Variants in WNK3 observed in about 807,000 individuals in gnomAD.
WNK3 encodes the protein WNK lysine deficient protein kinase 3, also known as serine/threonine-protein kinase WNK3.
WNK3 carries 18 observed loss-of-function variants against 116.7 expected under a neutral mutation model. The observed-to-expected ratio is 0.15, with a 90% CI of 0.11 to 0.23. The LOEUF (loss-of-function observed/expected upper bound fraction) is 0.23. WNK3 is among the 10% of genes least tolerant of loss of function. WNK3 has a pLI of 1.00. For missense variants in WNK3, 993 were observed against 1,323.8 expected (o/e 0.75, Z 3.88); for synonymous variants, 404 against 469.4 (o/e 0.86, Z 1.80).
At chrX:54,212,767 C>T (rs782697917) in intron 22 of WNK3, among the ~76,000 whole-genome samples, 5 of 111,198 alleles carry the variant, frequency 4.5e-5, no homozygotes, top group Non-Finnish European at 7.5e-5. Context: ...ATAGATAAGT[C>T]GATAAGGGCA....
intron 22 of WNK3, among the ~76,000 whole-genome samples, chrX:54,214,991 C>T (rs184084275): frequency 4.6e-5 from 5 of 107,992 alleles, no homozygotes; most frequent in African/African-American, 6.7e-5. Context: ...GTGGCGGGTG[C>T]CTATAGTCCC....
At chrX:54,226,507 G>C (rs1557147890) in intron 22 of WNK3, among the ~76,000 whole-genome samples, 2 of 85,396 alleles carry the variant, frequency 2.3e-5, no homozygotes, top group African/African-American at 8.4e-5. Context: ...AAAAAAAAAA[G>C]AACTAAATGT....
At chrX:54,208,406 G>T (rs1390081811) in intron 22 of WNK3, among the ~76,000 whole-genome samples, 1 of 110,984 alleles carries the variant, frequency 9.0e-6, no homozygotes, top group African/African-American at 3.3e-5. Context: ...TTACAGGTGT[G>T]AGCCACCGCG....
intron 10 of WNK3, among the ~76,000 whole-genome samples, chrX:54,263,394 C>T (rs1003966072): frequency 2.7e-5 from 3 of 111,975 alleles, no homozygotes; most frequent in Non-Finnish European, 5.6e-5. Context: ...TCACCTAATC[C>T]TAATAAGCCT....
chrX:54,237,951 G>T (rs1227533858), intron 19 of WNK3, among the ~76,000 whole-genome samples: 2 of 111,465 alleles, frequency 1.8e-5, no homozygotes, highest in African/African-American at 6.5e-5. Context: ...AGTATCATCG[G>T]CCAGGCATGG....
intron 5 of WNK3, among the ~76,000 whole-genome samples, chrX:54,304,978 A>AT (rs1335720741): frequency 1.8e-5 from 2 of 108,624 alleles, no homozygotes; most frequent in African/African-American, 6.8e-5. Flanking sequence ...CTTTATTAAA[A>AT]AAATATATAT....
At chrX:54,260,969 A>G (rs1404129711) in intron 10 of WNK3, among the ~76,000 whole-genome samples, 1 of 107,419 alleles carries the variant, frequency 9.3e-6, no homozygotes, top group African/African-American at 3.4e-5. Flanking sequence ...ACTTCAAGTG[A>G]TCCACCTGCC....
At chrX:54,333,223 T>A in exon 2 of WNK3, 1 of 1,208,420 alleles carries the variant, frequency 8.3e-7, no homozygotes, top group Non-Finnish European at 1.1e-6. Flanking sequence ...CCTAGTTCTA[T>A]GTCAAATTTC....
chrX:54,198,941 G>GT (rs1557141036), intron 23 of WNK3, among the ~76,000 whole-genome samples: 2 of 110,582 alleles, frequency 1.8e-5, no homozygotes, highest in African/African-American at 6.6e-5. Context: ...AAAGATATTT[G>GT]ACATGATGTT....
At chrX:54,213,468 C>T (rs1246898409) in intron 22 of WNK3, among the ~76,000 whole-genome samples, 3 of 102,570 alleles carry the variant, frequency 2.9e-5, no homozygotes, top group East Asian at 3.0e-4. Flanking sequence ...GCAGGAGAAT[C>T]GCTTGAAACC....
intron 2 of WNK3, among the ~76,000 whole-genome samples, chrX:54,330,139 C>T (rs782098505): frequency 6.3e-5 from 7 of 111,163 alleles, no homozygotes; most frequent in East Asian, 2.8e-4. Flanking sequence ...TTTGGGAGGC[C>T]GAGGCAGGCA....
rs1557165360 is a variant in WNK3 at position 54,292,875 on chromosome X, A to C, written c.2037+13T>G. ...TGTTTAAATGAATACAGAACCTCTAAAATGTGTCTTACCTTTATCTGTGGG... is the reference window on the plus strand; with the variant it reads ...TGTTTAAATGAATACAGAACCTCTACAATGTGTCTTACCTTTATCTGTGGG... On this transcript the variant is annotated intron_variant, in intron 10 of 23. Transcript: ENST00000354646. The C allele has an allele frequency of 8.3e-7, 1 of 1,203,850 alleles. No homozygotes were observed.
rs782020808 is a variant in WNK3, at chrX:54,205,761, T to TA, written c.4871-3569dup. 7.1e-4 allele frequency among the ~76,000 whole-genome samples: 80 copies of TA among 112,519 alleles called. 1 individual carries two copies. Among genetic ancestry groups the TA allele is most frequent in the Non-Finnish European group, 1.2e-3 (65 of 53,294 alleles). On this transcript the variant is annotated intron_variant, in intron 22 of 23. Transcript: ENST00000354646. ...CATTTAAAAGTTATTCATATCATAA[T>TA]ATAAAAGACCACTTAATTCAAAGCT...
At chrX:54,299,854 CTTGT>C (rs1338024330) in intron 6 of WNK3, among the ~76,000 whole-genome samples, 3 of 110,130 alleles carry the variant, frequency 2.7e-5, no homozygotes, top group Non-Finnish European at 5.7e-5. Context: ...TATTAGTTTG[CTTGT>C]TTGTTTGCTT....
intron 7 of WNK3, among the ~76,000 whole-genome samples, chrX:54,296,611 T>C (rs1024548265): frequency 9.0e-6 from 1 of 111,289 alleles, no homozygotes; most frequent in Non-Finnish European, 1.9e-5. Flanking sequence ...ATGTCCAAAA[T>C]AATCATTCCA....
rs782686925 is a variant in WNK3, at chrX:54,338,481, G to A, written c.-119-4689C>T. Among the ~76,000 whole-genome samples, 167 of 109,959 alleles carry A rather than the reference G, an allele frequency of 1.5e-3. 1 individual carries two copies. Among genetic ancestry groups the A allele is most frequent in the Non-Finnish European group, 2.3e-3 (123 of 52,756 alleles). On this transcript the variant is annotated intron_variant, in intron 1 of 23. Transcript: ENST00000354646. Reference sequence around the variant, plus strand: ...ATGCACCTGTAGTCTTAGCTACCGGGGAGGCTGAGGTGGGAGGATCACCTG... The same window carrying A: ...ATGCACCTGTAGTCTTAGCTACCGGAGAGGCTGAGGTGGGAGGATCACCTG...
chrX:54,224,637 T>C (rs2067811378), intron 22 of WNK3, among the ~76,000 whole-genome samples: 2 of 105,207 alleles, frequency 1.9e-5, no homozygotes, highest in Admixed American at 2.0e-4. Flanking sequence ...TGGCAAGATC[T>C]CGGCTCACTG....
At chrX:54,332,872 A>G (rs1179507336) in intron 2 of WNK3, among the ~76,000 whole-genome samples, 1 of 109,997 alleles carries the variant, frequency 9.1e-6, no homozygotes, top group Non-Finnish European at 1.9e-5. Flanking sequence ...CTCAAAAAAA[A>G]AAAAAAAGAA....
chrX:54,229,027 T>A (rs782372124), intron 21 of WNK3, among the ~76,000 whole-genome samples: 1 of 111,429 alleles, frequency 9.0e-6, no homozygotes, highest in East Asian at 2.8e-4. Context: ...GCAGATGACA[T>A]AATTGCTCAC....
Sources: gnomAD v4.1 joint callset for allele counts (sites outside exome capture counted in the v4.1 genomes callset) on GRCh38, gnomAD v4.1.1 for gene constraint, MANE v1.5 for transcripts, NCBI Gene and HGNC (gene_info 2026-07-23, HGNC 2026-07-21) for gene names.